LRP1B: variants seen among roughly 807,000 people sequenced by gnomAD.
LRP1B encodes LDL receptor related protein 1B.
In LRP1B, 217 loss-of-function variants were observed where a neutral mutation model predicts 556.6. That is an observed-to-expected ratio of 0.39 (90% CI 0.35 to 0.44). LRP1B has a LOEUF of 0.44. Among genes scored for constraint, LRP1B ranks in the 20% least tolerant of loss-of-function variants. LRP1B has a pLI of 1.00. For synonymous variants in LRP1B, 2,047 were observed against 1,865.8 expected, an observed-to-expected ratio of 1.10 and a Z score of -2.50; for missense variants, 5,053 against 5,620.8, an observed-to-expected ratio of 0.90 and a Z score of 3.23.
chr2:141,090,046 C>G (rs1024309747), intron 7 of LRP1B, among the ~76,000 whole-genome samples: 3 of 152,162 alleles, frequency 2.0e-5, no homozygotes, highest in African/African-American at 4.8e-5. Flanking sequence ...CACTCCTCCC[C>G]ATTAGGGTCC....
At chr2:141,144,310 C>T (rs1179498860) in intron 7 of LRP1B, among the ~76,000 whole-genome samples, 1 of 152,056 alleles carries the variant, frequency 6.6e-6, no homozygotes, top group Non-Finnish European at 1.5e-5. Flanking sequence ...CATCACATAG[C>T]CAATAAGTTG....
intron 6 of LRP1B, among the ~76,000 whole-genome samples, chr2:141,202,109 C>T (rs952311772): frequency 6.6e-6 from 1 of 152,134 alleles, no homozygotes; most frequent in Non-Finnish European, 1.5e-5. Flanking sequence ...TGATGCTCTC[C>T]CCCACACCCA....
intron 20 of LRP1B, among the ~76,000 whole-genome samples, chr2:140,930,429 T>A (rs995381552): frequency 6.6e-6 from 1 of 152,064 alleles, no homozygotes; most frequent in Non-Finnish European, 1.5e-5. Flanking sequence ...GTTAGAAGAC[T>A]AGCAACTGTA....
At chr2:141,144,050 C>T (rs964193331) in intron 7 of LRP1B, among the ~76,000 whole-genome samples, 2 of 152,042 alleles carry the variant, frequency 1.3e-5, no homozygotes, top group African/African-American at 2.4e-5. Flanking sequence ...TTTTATATTG[C>T]TCTCTGCTAT....
chr2:141,641,980 A>AAAAC (rs1174533490), intron 2 of LRP1B, among the ~76,000 whole-genome samples: 3 of 151,898 alleles, frequency 2.0e-5, no homozygotes, highest in African/African-American at 4.8e-5. Context: ...TATAGCATGC[A>AAAAC]AAACAAACAA....
chr2:141,459,637 CT>C (rs1681780762), intron 3 of LRP1B, among the ~76,000 whole-genome samples: 1 of 152,042 alleles, frequency 6.6e-6, no homozygotes, highest in African/African-American at 2.4e-5. Context: ...CCATGCTATT[CT>C]GGTGACAGTG....
rs766303073 is a variant in LRP1B at position 140,541,009 on chromosome 2, C to T, written c.7477G>A (p.Gly2493Arg). Residue 2493 changes from glycine (G) to arginine (R), a missense_variant, in exon 45 of 91, where the codon GGG becomes AGG. Transcript: ENST00000389484. Reference protein sequence around the residue: ...PNGRVNCSCRGDRILLEDNRC... With the variant: ...PNGRVNCSCRRDRILLEDNRC... ...TTGTCCTCTAGCAATATTCGGTCCC[C>T]TCTGCAGGAACAATTCACTCTCCCA... The T allele has an allele frequency of 1.2e-6, 2 of 1,611,634 alleles. No homozygotes were observed. Among genetic ancestry groups the T allele is most frequent in the East Asian group, 2.2e-5 (1 of 44,770 alleles).
intron 1 of LRP1B, among the ~76,000 whole-genome samples, chr2:141,978,428 G>A (rs1701944860): frequency 6.6e-6 from 1 of 151,950 alleles, no homozygotes; most frequent in Non-Finnish European, 1.5e-5. Context: ...AAATGAGGAG[G>A]TATGGTGTAG....
chr2:140,923,079 C>T lies in LRP1B; in HGVS notation c.3205G>A (p.Asp1069Asn), dbSNP rs778081625. Residue 1069 changes from aspartate to asparagine, a missense_variant, in exon 21 of 91, where the codon GAT becomes AAT. Around this residue, in one of 5 missense-constraint regions of LRP1B, gnomAD observed 3,619 missense variants for 3,931.9 expected, o/e 0.92. Coordinates refer to ENST00000389484, the MANE Select transcript of LRP1B (RefSeq NM_018557.3). ...TTTTCTCCATCACAGCGCCACAAAT[C>T]AGGAACGCAATTACCATCAGGGTGG... ...QCHPDGNCVP[D>N]LWRCDGEKDC... 5.6e-6 allele frequency: 9 copies of T among 1,612,912 alleles called. No homozygotes were observed. The Admixed American group carries it at 1.3e-4, about 24-fold the overall frequency.
intron 1 of LRP1B, among the ~76,000 whole-genome samples, chr2:141,945,663 T>A (rs1171491079): frequency 6.6e-6 from 1 of 151,496 alleles, no homozygotes; most frequent in African/African-American, 2.4e-5. Flanking sequence ...GCCCACCCAG[T>A]TTTACTCATT....
intron 6 of LRP1B, among the ~76,000 whole-genome samples, chr2:141,206,739 G>T (rs1324943831): frequency 1.3e-5 from 2 of 152,096 alleles, no homozygotes; most frequent in African/African-American, 2.4e-5. Flanking sequence ...ACACAAACTT[G>T]TAACTAAGGT....
intron 63 of LRP1B, among the ~76,000 whole-genome samples, chr2:140,449,945 C>T (rs1216375690): frequency 2.6e-5 from 4 of 152,120 alleles, no homozygotes; most frequent in Non-Finnish European, 5.9e-5. Context: ...GAAAAGTCTG[C>T]TGATGTCCCA....
rs67454706 is a variant in LRP1B, at chr2:141,498,356, C to CTT, written c.206-17825_206-17824dup. ...AGTCCCAGACAACATCTTTAAAATC[C>CTT]TTTTTTTTTTTTTTCTTTTTTGGCT... On this transcript the variant is annotated intron_variant, in intron 2 of 90. Coordinates refer to ENST00000389484, the MANE Select transcript of LRP1B (RefSeq NM_018557.3). 1.3e-3 allele frequency among the ~76,000 whole-genome samples: 184 copies of CTT among 144,048 alleles called. 1 individual carries two copies. Among genetic ancestry groups the CTT allele is most frequent in the Middle Eastern group, 3.6e-3 (1 of 278 alleles). 94.5% of individuals were successfully genotyped at this position (144,048 alleles called of 152,430 possible). A position where few individuals can be genotyped will look rare whatever the true frequency, so the allele number is the denominator to read the frequency against.
chr2:141,257,874 G>C (rs1245833359), intron 3 of LRP1B, among the ~76,000 whole-genome samples: 1 of 151,934 alleles, frequency 6.6e-6, no homozygotes, highest in Non-Finnish European at 1.5e-5. Flanking sequence ...GAACTGCTTA[G>C]CATTTATGCT....
At chr2:140,375,777 A>G (rs1261799704) in intron 68 of LRP1B, among the ~76,000 whole-genome samples, 3 of 152,086 alleles carry the variant, frequency 2.0e-5, no homozygotes, top group Admixed American at 2.0e-4. Flanking sequence ...TAGAGCAAAA[A>G]TATTATAATT....
chr2:140,498,599 G>A (rs545897620), intron 55 of LRP1B, among the ~76,000 whole-genome samples: 1 of 151,868 alleles, frequency 6.6e-6, no homozygotes, highest in South Asian at 2.1e-4. Flanking sequence ...ACGATTTCCT[G>A]TCATGGTCTG....
intron 2 of LRP1B, among the ~76,000 whole-genome samples, chr2:141,545,546 C>A (rs1685520394): frequency 6.6e-6 from 1 of 152,044 alleles, no homozygotes; most frequent in African/African-American, 2.4e-5. Flanking sequence ...CACATGAGTC[C>A]TTTCAAGCAA....
chr2:141,269,705 C>A (rs1308323903), intron 3 of LRP1B, among the ~76,000 whole-genome samples: 1 of 152,050 alleles, frequency 6.6e-6, no homozygotes, highest in Non-Finnish European at 1.5e-5. Flanking sequence ...TGCTAAAATA[C>A]ATTACATAAA....
intron 3 of LRP1B, among the ~76,000 whole-genome samples, chr2:141,394,312 T>A (rs569550739): frequency 6.6e-6 from 1 of 152,148 alleles, no homozygotes; most frequent in Non-Finnish European, 1.5e-5. Context: ...ATTTTAGTCT[T>A]AAGAGATTAT....
Sources: allele counts gnomAD v4.1 joint callset (sites outside exome capture counted in the v4.1 genomes callset), GRCh38; gene constraint gnomAD v4.1.1; regional missense constraint gnomAD v4.1.1; transcripts MANE v1.5; gene names NCBI Gene and HGNC (gene_info 2026-07-23, HGNC 2026-07-21).